The following CORO2B variants were observed in gnomAD, a reference collection of about 807,000 sequenced individuals.
CORO2B encodes the protein coronin 2B, also known as coronin-2B.
A neutral mutation model predicts 58.8 loss-of-function variants in CORO2B; 26 were observed. That is an observed-to-expected ratio of 0.44 (90% CI 0.32 to 0.61). The LOEUF is 0.61. Among genes scored for constraint, CORO2B ranks in the 20% least tolerant of loss-of-function variants. The pLI, the probability that CORO2B is intolerant of heterozygous loss-of-function variation, is 0.04. For missense variants in CORO2B, 460 were observed against 645.1 expected (o/e 0.71, Z 3.11); for synonymous variants, 242 against 253.8 (o/e 0.95, Z 0.44).
At chr15:68,532,456 TG>T in the CORO2B span, among the ~76,000 whole-genome samples, 1 of 152,214 alleles carries the variant, frequency 6.6e-6, no homozygotes, top group Admixed American at 6.5e-5. Context: ...TTTCACATAT[TG>T]TATTTTTTTG....
chr15:68,657,449 T>C (rs1901844534), intron 2 of CORO2B, among the ~76,000 whole-genome samples: 1 of 148,012 alleles, frequency 6.8e-6, no homozygotes, highest in Non-Finnish European at 1.5e-5. Context: ...CCCGGGGAGG[T>C]TGAGGCTGCA....
the CORO2B span, among the ~76,000 whole-genome samples, chr15:68,569,465 T>C: frequency 1.3e-5 from 2 of 152,240 alleles, no homozygotes; most frequent in African/African-American, 2.4e-5. Flanking sequence ...CATGACTTGA[T>C]AGCTCATTTC....
At chr15:68,602,837 G>A (rs910940978) in intron 1 of CORO2B, among the ~76,000 whole-genome samples, 50 of 152,344 alleles carry the variant, frequency 3.3e-4, no homozygotes, top group African/African-American at 1.1e-3. Context: ...TCTCGTGGAA[G>A]CAAGCCTGTT....
chr15:68,615,185 G>A (rs1360450354), intron 1 of CORO2B, among the ~76,000 whole-genome samples: 1 of 152,204 alleles, frequency 6.6e-6, no homozygotes, highest in African/African-American at 2.4e-5. Flanking sequence ...GGCCGGCTCA[G>A]GATGCACTGC....
intron 1 of CORO2B, among the ~76,000 whole-genome samples, chr15:68,590,889 C>T (rs1323228133): frequency 5.9e-5 from 9 of 152,152 alleles, no homozygotes; most frequent in Middle Eastern, 3.2e-3. Flanking sequence ...CCTCTCCACC[C>T]TGGCTGCCCT....
chr15:68,556,638 A>G, the CORO2B span, among the ~76,000 whole-genome samples: 3 of 152,190 alleles, frequency 2.0e-5, no homozygotes, highest in African/African-American at 7.2e-5. Flanking sequence ...GGTGTGGTTG[A>G]GTTCCCACTT....
the CORO2B span, among the ~76,000 whole-genome samples, chr15:68,552,968 T>C: frequency 6.6e-6 from 1 of 152,154 alleles, no homozygotes; most frequent in South Asian, 2.1e-4. Context: ...GAGACAGACA[T>C]GTGTTCATCC....
the CORO2B span, among the ~76,000 whole-genome samples, chr15:68,522,964 T>C: frequency 6.6e-6 from 1 of 152,192 alleles, no homozygotes; most frequent in Non-Finnish European, 1.5e-5. Flanking sequence ...TCTTCTTCTA[T>C]AGAGGGTTCA....
chr15:68,526,840 C>T, the CORO2B span, among the ~76,000 whole-genome samples: 2 of 152,164 alleles, frequency 1.3e-5, no homozygotes, highest in African/African-American at 2.4e-5. Context: ...CTGTTTTCGA[C>T]AGAATCATGG....
intron 1 of CORO2B, among the ~76,000 whole-genome samples, chr15:68,615,227 G>A (rs1900325804): frequency 1.3e-5 from 2 of 152,160 alleles, no homozygotes; most frequent in South Asian, 2.1e-4. Context: ...CTGACTAACC[G>A]TGACCCCAGT....
At chr15:68,695,109 C>A in intron 2 of CORO2B, 31 bp from the exon 3 acceptor site, 1 of 1,557,330 alleles carries the variant, frequency 6.4e-7, no homozygotes, top group South Asian at 1.1e-5. Context: ...AAACTAATCT[C>A]CTTCTCTCTC....
At chr15:68,657,714 C>T (rs1901860213) in intron 2 of CORO2B, among the ~76,000 whole-genome samples, 1 of 151,984 alleles carries the variant, frequency 6.6e-6, no homozygotes, top group Non-Finnish European at 1.5e-5. Flanking sequence ...ATCTGTGATA[C>T]CTGTTGATGA....
At chr15:68,653,860 GAAA>G (rs35931709) in intron 2 of CORO2B, among the ~76,000 whole-genome samples, 1 of 147,318 alleles carries the variant, frequency 6.8e-6, no homozygotes, top group African/African-American at 2.5e-5. Flanking sequence ...TCTCCCCCAG[GAAA>G]AAAAAAAAAA....
chr15:68,687,008 A>T (rs8024675), intron 2 of CORO2B, among the ~76,000 whole-genome samples: 1 of 152,076 alleles, frequency 6.6e-6, no homozygotes, highest in Non-Finnish European at 1.5e-5. Flanking sequence ...TCTTCTTCAC[A>T]GTTGTTCTGG....
At chr15:68,582,761 C>A (rs528275658) in intron 1 of CORO2B, among the ~76,000 whole-genome samples, 38 of 152,270 alleles carry the variant, frequency 2.5e-4, no homozygotes, top group African/African-American at 8.7e-4. Context: ...TTCCTGGCTG[C>A]TGGCTGTGAT....
the CORO2B span, among the ~76,000 whole-genome samples, chr15:68,557,708 G>T: frequency 6.6e-6 from 1 of 152,232 alleles, no homozygotes; most frequent in Non-Finnish European, 1.5e-5. Flanking sequence ...AGCACAGAGA[G>T]GTTAAGTAAA....
chr15:68,695,375 A>C, intron 3 of CORO2B, 119 bp downstream of exon 3: 1 of 746,282 alleles, frequency 1.3e-6, no homozygotes. Flanking sequence ...CCTCTTTGTC[A>C]TCTTTCCAGC....
intron 9 of CORO2B, 34 bp from the exon 10 acceptor site, chr15:68,719,110 C>G: frequency 6.5e-7 from 1 of 1,533,758 alleles, no homozygotes; most frequent in Non-Finnish European, 9.0e-7. Context: ...CAGCAGCCCC[C>G]CATGTGTCCT....
chr15:68,627,566 C>T (rs1053961700), intron 1 of CORO2B, among the ~76,000 whole-genome samples: 1 of 152,012 alleles, frequency 6.6e-6, no homozygotes, highest in Non-Finnish European at 1.5e-5. Flanking sequence ...AAGGAGAGCC[C>T]GGCTATAGCA....
Sources: allele counts gnomAD v4.1 joint callset (sites outside exome capture counted in the v4.1 genomes callset), GRCh38; gene constraint gnomAD v4.1.1; transcripts MANE v1.5; gene names NCBI Gene and HGNC (gene_info 2026-07-23, HGNC 2026-07-21).